The following CRYBG1 variants were observed in gnomAD, a reference collection of about 807,000 sequenced individuals.
CRYBG1 encodes the protein crystallin beta-gamma domain containing 1.
CRYBG1 carries 139 observed loss-of-function variants against 189.2 expected under a neutral mutation model. The ratio of observed to expected loss-of-function variants is 0.73; its 90% CI spans 0.64 to 0.85. The LOEUF (loss-of-function observed/expected upper bound fraction) is 0.85, where lower values mean the gene tolerates loss of function less well. Among genes scored for constraint, CRYBG1 ranks in the 40% least tolerant of loss-of-function variants. CRYBG1 has a pLI of 0.00. For missense variants in CRYBG1, 2,611 were observed against 2,675.8 expected, an observed-to-expected ratio of 0.98 and a Z score of 0.53; for synonymous variants, 1,023 against 1,017.1, an observed-to-expected ratio of 1.01 and a Z score of -0.11.
intron 1 of CRYBG1, among the ~76,000 whole-genome samples, chr6:106,424,252 C>G (rs1180464814): frequency 2.0e-5 from 3 of 151,184 alleles, no homozygotes; most frequent in African/African-American, 7.4e-5. Flanking sequence ...TATTTGGCAC[C>G]CTCTTTGAAG....
At chr6:106,465,616 A>G (rs1048686850) in intron 2 of CRYBG1, among the ~76,000 whole-genome samples, 19 of 152,212 alleles carry the variant, frequency 1.2e-4, no homozygotes, top group Admixed American at 9.2e-4. Flanking sequence ...GTACTGCTGG[A>G]AAAAAATCTT....
intron 21 of CRYBG1, among the ~76,000 whole-genome samples, chr6:106,566,668 G>T (rs1209258899): frequency 6.6e-6 from 1 of 151,714 alleles, no homozygotes; most frequent in Non-Finnish European, 1.5e-5. Context: ...TTGTTAAACT[G>T]AATTTAATTT....
chr6:106,390,439 C>G (rs2114335350), intron 1 of CRYBG1, among the ~76,000 whole-genome samples: 1 of 151,872 alleles, frequency 6.6e-6, no homozygotes, highest in African/African-American at 2.4e-5. Context: ...TCTTTCCCTT[C>G]TAATTGTGGT....
chr6:106,512,199 A>C lies in CRYBG1; in HGVS notation c.1082A>C (p.Asp361Ala). 1 of 1,535,864 alleles carries C rather than the reference A, an allele frequency of 6.5e-7. No individual in the cohort carries two copies. Among genetic ancestry groups the C allele is most frequent in the African/African-American group, 1.4e-5 (1 of 73,146 alleles). ...CACACGGCCAGCTCCGCGCAGGCAG[A>C]CTGCACAGCCCGCCCCAAGGGTCAC... ...AAHTASSAQADCTARPKGHAH... is the reference protein window; with the variant it reads ...AAHTASSAQAACTARPKGHAH... The change falls in exon 3 of 22, where the codon GAC becomes GCC. Residue 361 changes from aspartate (D) to alanine (A), a missense_variant. Asp to Ala is a moderately radical substitution (Grantham distance 126). This residue lies in a region of CRYBG1 where 985 missense variants were observed against 924.4 expected (regional missense o/e 1.07). Transcript: ENST00000633556.
intron 2 of CRYBG1, among the ~76,000 whole-genome samples, chr6:106,482,174 C>A (rs1772477201): frequency 6.6e-6 from 1 of 152,196 alleles, no homozygotes; most frequent in African/African-American, 2.4e-5. Context: ...AATTCATCTC[C>A]TTGAAGTTGT....
At chr6:106,540,363 A>G (rs1174671993) in intron 9 of CRYBG1, among the ~76,000 whole-genome samples, 3 of 152,228 alleles carry the variant, frequency 2.0e-5, no homozygotes, top group Admixed American at 1.3e-4. Context: ...ACAGTTTGAG[A>G]CAAATTAGAA....
intron 1 of CRYBG1, among the ~76,000 whole-genome samples, chr6:106,374,146 G>A (rs1770100244): frequency 6.6e-6 from 1 of 152,218 alleles, no homozygotes; most frequent in African/African-American, 2.4e-5. Flanking sequence ...TTCAAGTTCT[G>A]TGGTTGGCAA....
chr6:106,415,359 C>T (rs1771001998), intron 1 of CRYBG1, among the ~76,000 whole-genome samples: 1 of 152,196 alleles, frequency 6.6e-6, no homozygotes, highest in South Asian at 2.1e-4. Context: ...TCTTTCTCTA[C>T]CTCTGCCCTC....
At chr6:106,507,907 G>A (rs1773165535) in intron 2 of CRYBG1, among the ~76,000 whole-genome samples, 1 of 152,114 alleles carries the variant, frequency 6.6e-6, no homozygotes, top group Non-Finnish European at 1.5e-5. Context: ...GCATTCCCCT[G>A]TCAACGAGTC....
chr6:106,512,359 C>A lies in CRYBG1; in HGVS notation c.1242C>A (p.Ser414Arg), dbSNP rs1183310220. ...GGGACGACATGGAGAAGAGGTCCAG[C>A]GGCCGTAGGTCGGGGAGGCGGAGGG... ...GDWDDMEKRS[S>R]GRRSGRRRGS... The change falls in exon 3 of 22, where the codon AGC (serine) becomes AGA (arginine). Residue 414 changes from serine (S) to arginine (R), a missense_variant. Transcript: ENST00000633556. 1 of 1,611,240 alleles carries A rather than the reference C, an allele frequency of 6.2e-7. No homozygotes were observed. The highest frequency in any genetic ancestry group is 1.7e-5 in the Admixed American group (1 of 59,790).
rs34714366 is a variant in CRYBG1 at position 106,472,909 on chromosome 6, T to TAA, written c.312+21092_312+21093dup. On this transcript the variant is annotated intron_variant, in intron 2 of 21. Transcript: ENST00000633556. ...ACAGAATAAGACTCTGTCTCAAAAT[T>TAA]AAAAAAAAAAAAAAAAGAAAGTATA... is the stretch of plus-strand genomic sequence containing the variant. Among the ~76,000 whole-genome samples the TAA allele has an allele frequency of 1.6e-3, 218 of 137,202 alleles. 2 individuals carry two copies. The highest frequency in any genetic ancestry group is 3.9e-3 in the Middle Eastern group (1 of 254). 90.0% of individuals were successfully genotyped at this position (137,202 alleles called of 152,430 possible). A position where few individuals can be genotyped will look rare whatever the true frequency, so the allele number is the denominator to read the frequency against.
chr6:106,567,585 T>G (rs1439838862), intron 21 of CRYBG1, among the ~76,000 whole-genome samples: 1 of 152,152 alleles, frequency 6.6e-6, no homozygotes, highest in Non-Finnish European at 1.5e-5. Flanking sequence ...AATGCACAGA[T>G]TTTTACTTTG....
At chr6:106,543,890 A>G (rs891989557) in intron 11 of CRYBG1, among the ~76,000 whole-genome samples, 4 of 152,146 alleles carry the variant, frequency 2.6e-5, no homozygotes, top group African/African-American at 9.7e-5. Context: ...CATGTCTACT[A>G]AAAAATACAA....
At chr6:106,436,474 T>G (rs900031380) in intron 1 of CRYBG1, among the ~76,000 whole-genome samples, 3 of 152,176 alleles carry the variant, frequency 2.0e-5, no homozygotes, top group Admixed American at 2.0e-4. Flanking sequence ...TTTTGTAATT[T>G]TAGTAGAGAC....
chr6:106,566,462 G>GTTTTTTTTT (rs1312190668), intron 21 of CRYBG1, among the ~76,000 whole-genome samples: 1 of 90,972 alleles, frequency 1.1e-5, no homozygotes, highest in Non-Finnish European at 2.1e-5. Flanking sequence ...AGCAACAACA[G>GTTTTTTTTT]TCTTTTTTTT....
intron 1 of CRYBG1, among the ~76,000 whole-genome samples, chr6:106,389,524 T>C (rs1304823810): frequency 2.0e-5 from 3 of 152,162 alleles, no homozygotes; most frequent in Non-Finnish European, 2.9e-5. Flanking sequence ...AAATATACTA[T>C]GAAATAAACA....
At chr6:106,426,215 G>C (rs1771222849) in intron 1 of CRYBG1, among the ~76,000 whole-genome samples, 1 of 152,138 alleles carries the variant, frequency 6.6e-6, no homozygotes, top group South Asian at 2.1e-4. Context: ...TCATGTCTAA[G>C]TCAAGCCTTT....
At chr6:106,566,731 A>G (rs1407762574) in intron 21 of CRYBG1, among the ~76,000 whole-genome samples, 2 of 151,916 alleles carry the variant, frequency 1.3e-5, no homozygotes, top group Non-Finnish European at 2.9e-5. Context: ...GCAGCGCCGC[A>G]CGTCCCACAC....
intron 2 of CRYBG1, among the ~76,000 whole-genome samples, chr6:106,500,960 A>G (rs779829841): frequency 4.7e-4 from 71 of 152,316 alleles, no homozygotes; most frequent in Middle Eastern, 3.4e-3. Flanking sequence ...TGTCCATTCC[A>G]TGATACACTG....
Sources: gnomAD v4.1 joint callset for allele counts (sites outside exome capture counted in the v4.1 genomes callset) on GRCh38, gnomAD v4.1.1 for gene constraint, gnomAD v4.1.1 regional missense constraint, MANE v1.5 for transcripts, NCBI Gene and HGNC (gene_info 2026-07-23, HGNC 2026-07-21) for gene names.